The following LAMA2 variants were observed in gnomAD, a reference collection of about 807,000 sequenced individuals.
The protein encoded by LAMA2 is laminin subunit alpha 2, also known as laminin subunit alpha-2.
Under a neutral mutation model 364.8 loss-of-function variants are expected in LAMA2, and 269 were observed. The observed-to-expected ratio is 0.74, with a 90% CI of 0.67 to 0.82. LAMA2 has a LOEUF of 0.82. LAMA2 is among the 40% of genes least tolerant of loss of function. The probability of loss-of-function intolerance (pLI) is 0.00; values close to 1 mark genes in which losing one functional copy is unlikely to be tolerated. For missense variants in LAMA2, 3,807 were observed against 3,873.2 expected (o/e 0.98, Z 0.45); for synonymous variants, 1,379 against 1,370.6 (o/e 1.01, Z -0.14).
chr6:129,250,103 G>A lies in LAMA2; in HGVS notation c.1783-9G>A, dbSNP rs750057360. The A allele has an allele frequency of 6.6e-7, 1 of 1,524,496 alleles. No individual in the cohort carries two copies. Among genetic ancestry groups the A allele is most frequent in the Admixed American group, 1.7e-5 (1 of 59,902 alleles). The allele number at this position is 1,524,496 out of a possible 1,614,324, so 94.4% of individuals were successfully genotyped here. ...ATCCCGTAATGATTATGCATCTTCT[G>A]TCTTGTAGCTCCCAGCAGTAGGAGG... On this transcript the variant is annotated splice_polypyrimidine_tract_variant and intron_variant, in intron 12 of 64. Transcript: ENST00000421865.
chr6:129,402,776 G>A (rs1226461972), intron 39 of LAMA2, among the ~76,000 whole-genome samples: 1 of 152,144 alleles, frequency 6.6e-6, no homozygotes, highest in Non-Finnish European at 1.5e-5. Flanking sequence ...TTATTAAAAA[G>A]CACAGTGGTT....
chr6:129,402,344 T>C lies in LAMA2; in HGVS notation c.5583T>C (p.Thr1861=). 1 of 1,613,708 alleles carries C rather than the reference T, an allele frequency of 6.2e-7. No individual in the cohort carries two copies. Among genetic ancestry groups the C allele is most frequent in the Non-Finnish European group, 8.5e-7 (1 of 1,179,782 alleles). Residue 1861 remains threonine (T), a synonymous_variant, in exon 39 of 65, where the codon ACT becomes ACC. Transcript: ENST00000421865. ...SIIDYVEDIQ[T]KLPPMSEELN... ...ATCAGTATGTTGAAGACATCCAAACTAAATTGCCACCTATGTCTGAGGAGC... is the reference window on the plus strand; with the variant it reads ...ATCAGTATGTTGAAGACATCCAAACCAAATTGCCACCTATGTCTGAGGAGC...
intron 34 of LAMA2, among the ~76,000 whole-genome samples, chr6:129,381,852 T>G (rs1389716214): frequency 6.6e-6 from 1 of 152,228 alleles, no homozygotes; most frequent in African/African-American, 2.4e-5. Flanking sequence ...TCATTTGTGA[T>G]GTTAACACTT....
intron 1 of LAMA2, among the ~76,000 whole-genome samples, chr6:128,888,988 T>C (rs1776298528): frequency 6.6e-6 from 1 of 152,184 alleles, no homozygotes; most frequent in Non-Finnish European, 1.5e-5. Flanking sequence ...ACTTCAACCA[T>C]CTTATCATGG....
intron 1 of LAMA2, among the ~76,000 whole-genome samples, chr6:129,005,033 T>A (rs1378760563): frequency 6.6e-6 from 1 of 152,028 alleles, no homozygotes; most frequent in Admixed American, 6.6e-5. Context: ...ACATTCATTC[T>A]GGAAAGAAAA....
intron 1 of LAMA2, among the ~76,000 whole-genome samples, chr6:128,918,803 T>C (rs916313643): frequency 1.1e-4 from 16 of 152,340 alleles, no homozygotes; most frequent in Middle Eastern, 3.4e-3. Flanking sequence ...ATTTTTCAGT[T>C]ACTTTTCCAT....
At chr6:129,506,984 GT>G (rs1374624217) in intron 61 of LAMA2, among the ~76,000 whole-genome samples, 1 of 151,972 alleles carries the variant, frequency 6.6e-6, no homozygotes, top group Non-Finnish European at 1.5e-5. Context: ...AAACTTTCAA[GT>G]TTTATGCATA....
intron 41 of LAMA2, among the ~76,000 whole-genome samples, chr6:129,430,134 G>T (rs1305158014): frequency 6.6e-6 from 1 of 152,146 alleles, no homozygotes; most frequent in African/African-American, 2.4e-5. Flanking sequence ...AATTACGGAG[G>T]TTATAAAATG....
At chr6:129,361,387 C>T (rs1186117302) in intron 32 of LAMA2, among the ~76,000 whole-genome samples, 4 of 152,152 alleles carry the variant, frequency 2.6e-5, no homozygotes, top group South Asian at 2.1e-4. Context: ...TGTCAGTTAT[C>T]GATTGTATCA....
intron 2 of LAMA2, 117 bp downstream of exon 2, chr6:129,050,205 T>A: frequency 9.5e-7 from 1 of 1,048,874 alleles, no homozygotes; most frequent in Non-Finnish European, 1.4e-6. Context: ...TAGAATTCTT[T>A]TTACCATTAA....
Position 129,510,282 on chromosome 6 carries a change from A to C in LAMA2, c.8858-2081A>C, listed in dbSNP as rs1356332289. ...TAAAGCTGCAGGATACAAAGTCAAC[A>C]TACAAAAATCAGTAACATTTCTATA... is the stretch of plus-strand genomic sequence containing the variant. On this transcript the variant is annotated intron_variant, in intron 62 of 64. Coordinates refer to ENST00000421865, the MANE Select transcript of LAMA2 (RefSeq NM_000426.4). 3.3e-5 allele frequency among the ~76,000 whole-genome samples: 5 copies of C among 152,336 alleles called. No homozygotes were observed. The East Asian group carries it at 9.6e-4, about 29-fold the overall frequency.
chr6:129,500,046 C>T (rs778099235), intron 58 of LAMA2, among the ~76,000 whole-genome samples: 15 of 152,152 alleles, frequency 9.9e-5, no homozygotes, highest in Non-Finnish European at 1.5e-4. Flanking sequence ...TGAGCCACCA[C>T]GCCCATCCCT....
chr6:129,261,469 G>C (rs1015481786), intron 15 of LAMA2, among the ~76,000 whole-genome samples: 3 of 151,988 alleles, frequency 2.0e-5, no homozygotes, highest in Non-Finnish European at 4.4e-5. Flanking sequence ...ATTTTTATTT[G>C]CTTCTGTGTA....
intron 43 of LAMA2, 26 bp downstream of exon 43, chr6:129,441,024 G>GA (rs1562566484): frequency 6.3e-7 from 1 of 1,590,576 alleles, no homozygotes; most frequent in Admixed American, 1.7e-5. Flanking sequence ...TCATTGTGAT[G>GA]ATGTCATTTA....
chr6:128,956,248 T>C (rs1259631996), intron 1 of LAMA2, among the ~76,000 whole-genome samples: 3 of 152,022 alleles, frequency 2.0e-5, no homozygotes, highest in Non-Finnish European at 1.5e-5. Context: ...TATTTGCATT[T>C]TTAAAATCTC....
intron 32 of LAMA2, among the ~76,000 whole-genome samples, chr6:129,365,248 A>T (rs888993708): frequency 5.9e-5 from 9 of 152,242 alleles, no homozygotes; most frequent in African/African-American, 2.2e-4. Context: ...GACTGCATCT[A>T]ATCATGGGTG....
chr6:129,085,464 T>G (rs1774322786), intron 3 of LAMA2, among the ~76,000 whole-genome samples: 1 of 152,192 alleles, frequency 6.6e-6, no homozygotes, highest in African/African-American at 2.4e-5. Context: ...TTCTTCTCCT[T>G]TTTTGCCTCC....
chr6:128,902,112 T>C lies in LAMA2; in HGVS notation c.112+18755T>C, dbSNP rs1323179653. Among the ~76,000 whole-genome samples, 4 of 152,212 alleles carry C rather than the reference T, an allele frequency of 2.6e-5. No individual in the cohort carries two copies. The East Asian group carries it at 7.7e-4, about 29-fold the overall frequency. ...CCCCTTATAAAACCATCAGACCTCATGAGACTACTCACTATCCTGAGAACA... is the reference window on the plus strand; with the variant it reads ...CCCCTTATAAAACCATCAGACCTCACGAGACTACTCACTATCCTGAGAACA... On this transcript the variant is annotated intron_variant, in intron 1 of 64. Transcript: ENST00000421865.
At chr6:129,146,309 T>C (rs1424724902) in intron 5 of LAMA2, among the ~76,000 whole-genome samples, 1 of 151,960 alleles carries the variant, frequency 6.6e-6, no homozygotes, top group Non-Finnish European at 1.5e-5. Context: ...TCCATAATTA[T>C]CCTTAAAAAA....
Sources: gnomAD v4.1 joint callset for allele counts (sites outside exome capture counted in the v4.1 genomes callset) on GRCh38, gnomAD v4.1.1 for gene constraint, MANE v1.5 for transcripts, NCBI Gene and HGNC (gene_info 2026-07-23, HGNC 2026-07-21) for gene names.